REPS1: variants seen among roughly 807,000 people sequenced by gnomAD.
The protein encoded by REPS1 is ralBP1-associated Eps domain-containing protein 1.
REPS1 carries 39 observed loss-of-function variants against 100.9 expected under a neutral mutation model. That is an observed-to-expected ratio of 0.39 (90% CI 0.30 to 0.50). REPS1 has a LOEUF of 0.50. Ranked by LOEUF, REPS1 falls within the 20% of genes least tolerant of loss-of-function variation. REPS1 has a pLI of 0.86. For missense variants in REPS1, 821 were observed against 968.5 expected (o/e 0.85, Z 2.02); for synonymous variants, 324 against 340.3 (o/e 0.95, Z 0.53).
At chr6:138,955,457 A>AGT (rs1554294151) in intron 1 of REPS1, among the ~76,000 whole-genome samples, 2,533 of 90,746 alleles carry the variant, frequency 0.028, 71 homozygotes, top group South Asian at 0.097. Context: ...AAAAAAAAAA[A>AGT]GTGTGTGTGT....
intron 8 of REPS1, among the ~76,000 whole-genome samples, chr6:138,936,885 A>T (rs979330853): frequency 1.3e-5 from 2 of 152,246 alleles, no homozygotes; most frequent in Admixed American, 1.3e-4. Context: ...CATATTATGG[A>T]ATACCTTGAA....
chr6:138,914,258 G>A (rs1222561255), intron 15 of REPS1, among the ~76,000 whole-genome samples: 4 of 148,496 alleles, frequency 2.7e-5, no homozygotes, highest in African/African-American at 1.0e-4. Context: ...TGTTTTTAGA[G>A]ATGGGGGTCT....
intron 8 of REPS1, 144 bp downstream of exon 8, chr6:138,941,191 C>A: frequency 2.3e-6 from 2 of 868,272 alleles, no homozygotes; most frequent in South Asian, 1.8e-5. Context: ...CCCATACATC[C>A]TATTCTGATG....
At position 138,981,809 on chromosome 6, in the gene REPS1, C is replaced by T. The variant is rs114235492; in HGVS notation, c.153+5721G>A. ...TGGAACTTGCCTCCCACAGTTAGTG[C>T]TCTTTATACCAGCTTCTCATGCTCT... On this transcript the variant is annotated intron_variant, in intron 1 of 19. Coordinates refer to ENST00000450536, the MANE Select transcript of REPS1 (RefSeq NM_001286611.2). 9.4e-3 allele frequency among the ~76,000 whole-genome samples: 1,429 copies of T among 152,290 alleles called. 17 individuals are homozygous for T. Among genetic ancestry groups the T allele is most frequent in the African/African-American group, 0.033 (1,370 of 41,550 alleles).
Position 138,908,773 on chromosome 6 carries a change from C to T in REPS1, c.2111G>A (p.Arg704Gln), listed in dbSNP as rs768462123. The change falls in exon 18 of 20, where the codon CGA becomes CAA. Residue 704 changes from arginine (R) to glutamine (Q), a missense_variant. Arg to Gln is a conservative substitution (Grantham distance 43). This residue lies in a region of REPS1 where 757 missense variants were observed against 866.4 expected (regional missense o/e 0.87). Transcript: ENST00000450536. The part of the protein sequence containing the change: ...TPLAPPPKPV[R>Q]RRLKSEDELR... ...TTCATCTTCTGATTTTAATCTTCTT[C>T]GAACAGGTTTAGGTGGTGGAGCAAG... is the stretch of plus-strand genomic sequence containing the variant. 2.5e-5 allele frequency: 41 copies of T among 1,614,010 alleles called. No homozygotes were observed. The highest frequency in any genetic ancestry group is 9.9e-5 in the South Asian group (9 of 91,084).
At chr6:138,938,431 C>T (rs558862401) in intron 8 of REPS1, among the ~76,000 whole-genome samples, 1 of 152,164 alleles carries the variant, frequency 6.6e-6, no homozygotes, top group East Asian at 1.9e-4. Context: ...TATGTTCCAA[C>T]ATCATAAACC....
chr6:138,961,494 G>C (rs1190582818), intron 1 of REPS1, among the ~76,000 whole-genome samples: 1 of 152,040 alleles, frequency 6.6e-6, no homozygotes, highest in Non-Finnish European at 1.5e-5. Context: ...CGAAGTACTA[G>C]GCATGAGCCA....
At chr6:138,910,174 A>C (rs533547825) in intron 17 of REPS1, among the ~76,000 whole-genome samples, 1 of 152,198 alleles carries the variant, frequency 6.6e-6, no homozygotes, top group Admixed American at 6.5e-5. Flanking sequence ...CTTACTCTTG[A>C]GTTCACATGA....
chr6:138,959,026 A>G (rs763303804), intron 1 of REPS1, among the ~76,000 whole-genome samples: 1 of 152,210 alleles, frequency 6.6e-6, no homozygotes, highest in Non-Finnish European at 1.5e-5. Flanking sequence ...AGAGGGCCCA[A>G]TAAACGGCAG....
In REPS1 at chr6:138,987,675, C is replaced by A. The variant is rs1308866335; in HGVS notation, c.8G>T (p.Gly3Val). 18 of 1,542,640 alleles carry A rather than the reference C, an allele frequency of 1.2e-5. No homozygotes were observed. The highest frequency in any genetic ancestry group is 1.4e-5 in the Non-Finnish European group (16 of 1,143,608). Reference protein sequence around the residue: MEGLTLSDAEQKY... With the variant: MEVLTLSDAEQKY... ...CTGCTCCGCATCGCTCAGCGTTAAG[C>A]CTTCCATCTTCGCCTCCGGCTCACG... Residue 3 changes from glycine to valine, a missense_variant, in exon 1 of 20, where the codon GGC (glycine) becomes GTC (valine). By Grantham distance (109) the Gly-to-Val change is moderately radical. Around this residue, in one of 3 missense-constraint regions of REPS1, gnomAD observed 36 missense variants for 36.7 expected, o/e 0.98. Transcript: ENST00000450536.
chr6:138,948,258 T>C lies in REPS1; in HGVS notation c.154-345A>G, dbSNP rs577043677. ...CAATAGGACCATGTGACTAAGAGAC[T>C]ATTATGCAGCCATTTAAAGTGACGG... is the stretch of plus-strand genomic sequence containing the variant. On this transcript the variant is annotated intron_variant, in intron 1 of 19. Transcript: ENST00000450536. 1.5e-4 allele frequency among the ~76,000 whole-genome samples: 23 copies of C among 152,324 alleles called. No homozygotes were observed. In the South Asian group the frequency reaches 4.6e-3, roughly 30 times the overall value.
chr6:138,955,457 A>AAGTGTGCGTGT (rs10689184), intron 1 of REPS1, among the ~76,000 whole-genome samples: 1 of 90,720 alleles, frequency 1.1e-5, no homozygotes, highest in Non-Finnish European at 2.0e-5. Flanking sequence ...AAAAAAAAAA[A>AAGTGTGCGTGT]GTGTGTGTGT....
At chr6:138,944,344 T>A (rs1582793651) in intron 5 of REPS1, among the ~76,000 whole-genome samples, 154 bp downstream of exon 5, 1 of 152,304 alleles carries the variant, frequency 6.6e-6, no homozygotes, top group East Asian at 1.9e-4. Context: ...ATTCCAATGA[T>A]AACAGATTTG....
intron 1 of REPS1, 86 bp downstream of exon 1, chr6:138,987,444 C>G: frequency 1.5e-6 from 2 of 1,329,502 alleles, no homozygotes; most frequent in Non-Finnish European, 2.0e-6. Context: ...CCCCGCCGGG[C>G]CCCAAGGAAT....
intron 1 of REPS1, among the ~76,000 whole-genome samples, chr6:138,964,935 T>A (rs78866490): frequency 0.022 from 3,277 of 152,218 alleles, 126 homozygotes; most frequent in African/African-American, 0.075. Context: ...TAGAAGGGAA[T>A]CATAAAGAAT....
Position 138,920,241 on chromosome 6 carries a change from A to G in REPS1, c.1502T>C (p.Val501Ala), listed in dbSNP as rs539728360. 6.3e-7 allele frequency: 1 copy of G among 1,592,962 alleles called. No homozygotes were observed. The highest frequency in any genetic ancestry group is 2.2e-5 in the East Asian group (1 of 44,730). ...LLEENKINSSVKFASGNTVAD... is the reference protein window; with the variant it reads ...LLEENKINSSAKFASGNTVAD... ...TACAGTATTACCAGAAGCGAATTTC[A>G]CCGATGAATTTATCTTATTTTCTTC... is the stretch of plus-strand genomic sequence containing the variant. Residue 501 changes from valine to alanine, a missense_variant, in exon 12 of 20, where the codon GTG becomes GCG. This residue lies in a region of REPS1 where 757 missense variants were observed against 866.4 expected (regional missense o/e 0.87). Transcript: ENST00000450536.
chr6:138,911,714 G>A (rs923395606), intron 16 of REPS1, among the ~76,000 whole-genome samples: 2 of 151,794 alleles, frequency 1.3e-5, no homozygotes, highest in Admixed American at 1.3e-4. Flanking sequence ...TGAGGGAGAG[G>A]AGGACGGGGC....
At chr6:138,962,805 A>G (rs890774398) in intron 1 of REPS1, among the ~76,000 whole-genome samples, 6 of 152,162 alleles carry the variant, frequency 3.9e-5, no homozygotes, top group African/African-American at 9.7e-5. Flanking sequence ...GGCCTCTTAT[A>G]TTCCCAGCAC....
Position 138,926,478 on chromosome 6 carries a change from A to G in REPS1, c.1261T>C (p.Trp421Arg). Residue 421 changes from tryptophan (W) to arginine (R), a missense_variant, in exon 10 of 20, where the codon TGG becomes CGG. By Grantham distance (101) the Trp-to-Arg change is moderately radical. Coordinates refer to ENST00000450536, the MANE Select transcript of REPS1 (RefSeq NM_001286611.2). Reference sequence around the variant, plus strand: ...GAAGAGCGTTCACTAAATGTCTCCCACTGCTGAACAGACAGAGGAGAGACA... The same window carrying G: ...GAAGAGCGTTCACTAAATGTCTCCCGCTGCTGAACAGACAGAGGAGAGACA... The part of the protein sequence containing the change: ...WPELNQSSEQ[W>R]ETFSERSSSS... The G allele has an allele frequency of 1.9e-6, 3 of 1,606,308 alleles. No homozygotes were observed. The highest frequency in any genetic ancestry group is 2.6e-6 in the Non-Finnish European group (3 of 1,173,790).
Sources: allele counts gnomAD v4.1 joint callset (sites outside exome capture counted in the v4.1 genomes callset), GRCh38; gene constraint gnomAD v4.1.1; regional missense constraint gnomAD v4.1.1; transcripts MANE v1.5; gene names NCBI Gene and HGNC (gene_info 2026-07-23, HGNC 2026-07-21).